GRIN2B: variants seen among roughly 807,000 people sequenced by gnomAD.
GRIN2B encodes glutamate receptor ionotropic, NMDA 2B.
In GRIN2B, 5 loss-of-function variants were observed where a neutral mutation model predicts 114.5. The ratio of observed to expected loss-of-function variants is 0.04; its 90% CI spans 0.02 to 0.09. GRIN2B has a LOEUF of 0.09. Ranked by LOEUF, GRIN2B falls within the 10% of genes least tolerant of loss-of-function variation. The probability of loss-of-function intolerance (pLI) is 1.00; values close to 1 mark genes in which losing one functional copy is unlikely to be tolerated. For missense variants in GRIN2B, 1,108 were observed against 1,943.5 expected (o/e 0.57, Z 8.08); for synonymous variants, 787 against 745.1 (o/e 1.06, Z -0.92).
Position 13,753,808 on chromosome 12 carries a change from G to A in GRIN2B, c.519C>T (p.Thr173=), listed in dbSNP as rs200357530. 10 of 1,613,444 alleles carry A rather than the reference G, an allele frequency of 6.2e-6. No homozygotes were observed. Among genetic ancestry groups the A allele is most frequent in the Non-Finnish European group, 8.5e-6 (10 of 1,179,526 alleles). Residue 173 remains threonine (T), a synonymous_variant, in exon 4 of 14, where the codon ACC becomes ACT. Coordinates refer to ENST00000609686, the MANE Select transcript of GRIN2B (RefSeq NM_000834.5). The surrounding 1 kb of genome is among the most constrained non-coding windows in gnomAD (Gnocchi z 6.2). ...AGTCCTGGTAGCCAGGGAAATAGGT[G>A]GTGACGATAGAAAAGATGTACCAGT... ...EYDWYIFSIV[T]TYFPGYQDFV... is the part of the protein sequence containing the mutation.
chr12:13,605,972 A>T (rs1353506316), intron 10 of GRIN2B, among the ~76,000 whole-genome samples: 1 of 152,114 alleles, frequency 6.6e-6, no homozygotes, highest in African/African-American at 2.4e-5. Flanking sequence ...ATAACCATGC[A>T]TAGGACATGA....
intron 3 of GRIN2B, among the ~76,000 whole-genome samples, chr12:13,767,424 T>G (rs1863818068): frequency 2.0e-5 from 3 of 152,216 alleles, no homozygotes; most frequent in Admixed American, 2.0e-4. Context: ...ATTTTTTTTC[T>G]AATTTTCTTA....
At chr12:13,585,946 G>A (rs1948916970) in intron 10 of GRIN2B, among the ~76,000 whole-genome samples, 1 of 152,152 alleles carries the variant, frequency 6.6e-6, no homozygotes, top group Admixed American at 6.5e-5. Context: ...AGGCTTTTAG[G>A]ACTAATGGGA....
intron 4 of GRIN2B, among the ~76,000 whole-genome samples, chr12:13,681,055 G>A (rs938909774): frequency 1.7e-4 from 26 of 151,998 alleles, no homozygotes; most frequent in African/African-American, 5.8e-4. Context: ...CTCATCTACT[G>A]CACCACGTTG....
In GRIN2B at chr12:13,776,244, T is replaced by TG. The variant is rs558878605; in HGVS notation, c.412-22330dup. Among the ~76,000 whole-genome samples, 16 of 151,878 alleles carry TG rather than the reference T, an allele frequency of 1.1e-4. No individual in the cohort carries two copies. In the East Asian group the frequency reaches 3.1e-3, roughly 29 times the overall value. On this transcript the variant is annotated intron_variant, in intron 3 of 13. Transcript: ENST00000609686. Reference sequence around the variant, plus strand: ...GAATTATGAGAACACATGGACACACTGGGGGAAATAACACACACTGGGGCC... The same window carrying TG: ...GAATTATGAGAACACATGGACACACTGGGGGGAAATAACACACACTGGGGCC...
In GRIN2B at chr12:13,633,457, G is replaced by A. The variant is rs558753253; in HGVS notation, c.1126-16800C>T. On this transcript the variant is annotated intron_variant, in intron 5 of 13. Transcript: ENST00000609686. ...TAATGGTGGTAGGGGTGTTCATGAG[G>A]ATACTGGCCTGTGCCACTAAGGATA... 3.9e-5 allele frequency among the ~76,000 whole-genome samples: 6 copies of A among 152,334 alleles called. 1 individual carries two copies. The highest frequency in any genetic ancestry group is 1.4e-4 in the African/African-American group (6 of 41,586).
At chr12:13,888,505 G>T (rs761827619) in intron 2 of GRIN2B, among the ~76,000 whole-genome samples, 3 of 151,292 alleles carry the variant, frequency 2.0e-5, no homozygotes, top group Non-Finnish European at 4.4e-5. Flanking sequence ...AGACTGAGGT[G>T]CGTGGATCAC....
chr12:13,609,956 A>G (rs1383049134), intron 9 of GRIN2B: 1 of 152,070 alleles, frequency 6.6e-6, no homozygotes, highest in African/African-American at 2.4e-5. Context: ...TGCAATCTCT[A>G]TTTGCTGATG....
intron 8 of GRIN2B, among the ~76,000 whole-genome samples, chr12:13,612,608 G>A (rs1249419691): frequency 3.3e-5 from 5 of 152,214 alleles, no homozygotes; most frequent in African/African-American, 1.2e-4. Context: ...GGGTTGATGG[G>A]ACAAGACTGG....
intron 4 of GRIN2B, among the ~76,000 whole-genome samples, chr12:13,681,020 C>T (rs1473902009): frequency 6.6e-6 from 1 of 152,092 alleles, no homozygotes; most frequent in African/African-American, 2.4e-5. Context: ...TTCTGCCTCT[C>T]TGACTCTGGC....
rs573964297 is a variant in GRIN2B at position 13,571,996 on chromosome 12, G to A, written c.2011-32C>T. ...AGAGAAAGACAGATAGAGACAGAGC[G>A]GGAGATGGAGGGAGAGAGAGAGAGA... On this transcript the variant is annotated intron_variant, in intron 10 of 13. Coordinates refer to ENST00000609686, the MANE Select transcript of GRIN2B (RefSeq NM_000834.5). 2.9e-5 allele frequency: 44 copies of A among 1,508,298 alleles called. No individual in the cohort carries two copies. Among genetic ancestry groups the A allele is most frequent in the Admixed American group, 7.0e-5 (4 of 56,806 alleles). 93.4% of individuals were successfully genotyped at this position (1,508,298 alleles called of 1,614,324 possible). A position where few individuals can be genotyped will look rare whatever the true frequency, so the allele number is the denominator to read the frequency against.
intron 3 of GRIN2B, among the ~76,000 whole-genome samples, chr12:13,855,395 G>C (rs1865643395): frequency 6.6e-6 from 1 of 152,194 alleles, no homozygotes; most frequent in African/African-American, 2.4e-5. Context: ...TGAGATTCCA[G>C]AACTCCCTCA....
chr12:13,863,826 G>A (rs1357670027), intron 3 of GRIN2B, among the ~76,000 whole-genome samples: 1 of 152,150 alleles, frequency 6.6e-6, no homozygotes, highest in Non-Finnish European at 1.5e-5. Context: ...TTGCACAACA[G>A]CCCACATGAG....
chr12:13,621,628 T>TG (rs910925875), intron 5 of GRIN2B, among the ~76,000 whole-genome samples: 1 of 146,954 alleles, frequency 6.8e-6, no homozygotes, highest in African/African-American at 2.5e-5. Flanking sequence ...TTTTTTTTTT[T>TG]TTTTTTTTTT....
rs547658911 is a variant in GRIN2B, at chr12:13,688,344, T to G, written c.1011-12485A>C. Among the ~76,000 whole-genome samples the G allele has an allele frequency of 2.6e-5, 4 of 152,268 alleles. No individual in the cohort carries two copies. The East Asian group carries it at 7.7e-4, about 29-fold the overall frequency. ...ATCAGTTGTTTTAAATTGTCCCTGATGCCATCACCATAAAGAGGCCTACAG... is the reference window on the plus strand; with the variant it reads ...ATCAGTTGTTTTAAATTGTCCCTGAGGCCATCACCATAAAGAGGCCTACAG... On this transcript the variant is annotated intron_variant, in intron 4 of 13. Transcript: ENST00000609686.
At chr12:13,692,068 T>C (rs1950218951) in intron 4 of GRIN2B, among the ~76,000 whole-genome samples, 1 of 152,214 alleles carries the variant, frequency 6.6e-6, no homozygotes, top group Non-Finnish European at 1.5e-5. Flanking sequence ...AAGCCCCCGA[T>C]TGAAGCCAAG....
At chr12:13,646,650 C>T (rs900390362) in intron 5 of GRIN2B, among the ~76,000 whole-genome samples, 4 of 151,838 alleles carry the variant, frequency 2.6e-5, no homozygotes, top group African/African-American at 9.7e-5. Flanking sequence ...CTTCTTCCTC[C>T]TCCTCCTCCT....
intron 3 of GRIN2B, among the ~76,000 whole-genome samples, chr12:13,838,147 G>A (rs1225915315): frequency 6.6e-6 from 1 of 152,124 alleles, no homozygotes; most frequent in East Asian, 1.9e-4. Context: ...ATGAGGACAG[G>A]AAAGAATAAG....
chr12:13,912,891 C>T (rs753153656), intron 2 of GRIN2B, among the ~76,000 whole-genome samples: 2 of 152,106 alleles, frequency 1.3e-5, no homozygotes, highest in Non-Finnish European at 2.9e-5. Context: ...GGTCCCCCCT[C>T]CTCAATGTCT....
Sources: gnomAD v4.1 joint callset for allele counts (sites outside exome capture counted in the v4.1 genomes callset) on GRCh38, gnomAD v4.1.1 for gene constraint, Gnocchi (gnomAD v3.1) non-coding constraint, MANE v1.5 for transcripts, NCBI Gene and HGNC (gene_info 2026-07-23, HGNC 2026-07-21) for gene names.